Variants in ZGRF1 observed in about 807,000 individuals in gnomAD.
ZGRF1 encodes the protein 5'-3' DNA helicase ZGRF1.
In ZGRF1, 196 loss-of-function variants were observed where a neutral mutation model predicts 203.5. The ratio of observed to expected loss-of-function variants is 0.96; its 90% CI spans 0.86 to 1.08. The LOEUF (loss-of-function observed/expected upper bound fraction) is 1.08. Ranked by LOEUF, ZGRF1 falls within the 50% of genes least tolerant of loss-of-function variation. ZGRF1 has a pLI of 0.00. For synonymous variants in ZGRF1, 809 were observed against 841.3 expected, an observed-to-expected ratio of 0.96 and a Z score of 0.66; for missense variants, 2,326 against 2,416.3, an observed-to-expected ratio of 0.96 and a Z score of 0.78.
chr4:112,562,368 T>C lies in ZGRF1; in HGVS notation c.4697+3A>G. 1 of 1,540,338 alleles carries C rather than the reference T, an allele frequency of 6.5e-7. No homozygotes were observed. The highest frequency in any genetic ancestry group is 8.9e-7 in the Non-Finnish European group (1 of 1,118,782). On this transcript the variant is annotated splice_donor_region_variant and intron_variant, in intron 18 of 27. Coordinates refer to ENST00000505019, the MANE Select transcript of ZGRF1 (RefSeq NM_018392.5). ...AATGACTCAAAGGTAAAAAATGACT[T>C]ACGTTGTTAACAGGTACTGTGTTAG...
At chr4:112,621,970 C>A (rs1446717294) in intron 4 of ZGRF1, among the ~76,000 whole-genome samples, 1 of 151,108 alleles carries the variant, frequency 6.6e-6, no homozygotes. Flanking sequence ...TCAGGTGATC[C>A]GCCTGCCTCG....
chr4:112,583,911 A>T, intron 15 of ZGRF1, 67 bp downstream of exon 15: 1 of 1,006,996 alleles, frequency 9.9e-7, no homozygotes, highest in Non-Finnish European at 1.4e-6. Context: ...AAAACTGATG[A>T]TAGTTCTGTG....
chr4:112,615,669 C>T (rs1284506109), intron 6 of ZGRF1, among the ~76,000 whole-genome samples: 8 of 146,818 alleles, frequency 5.4e-5, no homozygotes, highest in Admixed American at 1.4e-4. Context: ...GTTTCATTCA[C>T]TCTTGTTGCC....
intron 6 of ZGRF1, among the ~76,000 whole-genome samples, chr4:112,614,964 T>C (rs2046818285): frequency 6.6e-6 from 1 of 152,136 alleles, no homozygotes; most frequent in East Asian, 1.9e-4. Flanking sequence ...TGGCTATGAG[T>C]GAGTTTAATG....
At chr4:112,567,696 CAG>C (rs1056099533) in intron 16 of ZGRF1, among the ~76,000 whole-genome samples, 30 of 152,264 alleles carry the variant, frequency 2.0e-4, no homozygotes, top group African/African-American at 7.2e-4. Context: ...GAGGCTGAGT[CAG>C]GGGGATAACT....
At chr4:112,622,607 C>A (rs1242266996) in intron 4 of ZGRF1, among the ~76,000 whole-genome samples, 2 of 151,842 alleles carry the variant, frequency 1.3e-5, no homozygotes, top group East Asian at 3.9e-4. Context: ...CAGACCGACC[C>A]TGTAAAATCT....
chr4:112,599,554 T>TAAAAAA (rs558887822), intron 10 of ZGRF1, among the ~76,000 whole-genome samples: 4 of 127,854 alleles, frequency 3.1e-5, no homozygotes, highest in South Asian at 2.5e-4. Context: ...ACCCTGTGTC[T>TAAAAAA]AAAAAAAAAA....
chr4:112,549,825 G>A (rs1739564033), intron 22 of ZGRF1, among the ~76,000 whole-genome samples: 1 of 151,996 alleles, frequency 6.6e-6, no homozygotes, highest in African/African-American at 2.4e-5. Context: ...ACGCCTTTCA[G>A]GAGGTATCCA....
chr4:112,564,962 G>T, intron 16 of ZGRF1: 2 of 820,882 alleles, frequency 2.4e-6, no homozygotes, highest in East Asian at 2.4e-5. Context: ...AAGGAGAAAT[G>T]AGGTAAGTAA....
intron 6 of ZGRF1, among the ~76,000 whole-genome samples, chr4:112,617,068 GAC>G (rs1385152785): frequency 2.0e-5 from 3 of 152,098 alleles, no homozygotes; most frequent in Admixed American, 2.0e-4. Context: ...CAGCCTGGGT[GAC>G]AGAGTGAGAC....
In ZGRF1 at chr4:112,541,001, T is replaced by A; in HGVS notation, c.5776-46A>T. ...TAAATTATATTTCCCAGAAAGGCTA[T>A]GGAAAAACCAAGTAAAATCATACAA... On this transcript the variant is annotated intron_variant, in intron 25 of 27. Coordinates refer to ENST00000505019, the MANE Select transcript of ZGRF1 (RefSeq NM_018392.5). 1.9e-6 allele frequency: 3 copies of A among 1,550,198 alleles called. No homozygotes were observed. In the South Asian group the frequency reaches 3.6e-5, roughly 18 times the overall value.
At chr4:112,563,874 G>A (rs548266521) in intron 16 of ZGRF1, among the ~76,000 whole-genome samples, 1 of 152,176 alleles carries the variant, frequency 6.6e-6, no homozygotes, top group African/African-American at 2.4e-5. Context: ...AAGGGGCCAA[G>A]GCACTCCCTT....
At chr4:112,611,065 A>G (rs949390442) in intron 7 of ZGRF1, 17 of 187,432 alleles carry the variant, frequency 9.1e-5, no homozygotes, top group Admixed American at 3.8e-4. Context: ...TTAAAAGGGG[A>G]AAAAAAGGAC....
At chr4:112,557,543 T>C (rs910541432) in intron 20 of ZGRF1, among the ~76,000 whole-genome samples, 9 of 152,164 alleles carry the variant, frequency 5.9e-5, no homozygotes, top group African/African-American at 1.9e-4. Context: ...CTTTTACTTA[T>C]GGCACAGGAA....
chr4:112,606,679 A>G (rs909900685), intron 8 of ZGRF1, among the ~76,000 whole-genome samples: 30 of 152,002 alleles, frequency 2.0e-4, no homozygotes, highest in Admixed American at 4.6e-4. Flanking sequence ...AAATAGAAAA[A>G]GAAAAAAATG....
At chr4:112,580,590 A>G (rs1049368987) in intron 16 of ZGRF1, among the ~76,000 whole-genome samples, 4 of 152,144 alleles carry the variant, frequency 2.6e-5, no homozygotes, top group African/African-American at 9.7e-5. Flanking sequence ...AGAAAAAAAC[A>G]AACAACCCCA....
At chr4:112,592,975 A>G (rs1748430267) in intron 10 of ZGRF1, among the ~76,000 whole-genome samples, 1 of 152,210 alleles carries the variant, frequency 6.6e-6, no homozygotes, top group South Asian at 2.1e-4. Context: ...AAATGCACAC[A>G]AGAAAAGGAC....
intron 20 of ZGRF1, among the ~76,000 whole-genome samples, chr4:112,557,451 A>G (rs150956540): frequency 1.3e-5 from 2 of 152,376 alleles, no homozygotes; most frequent in Non-Finnish European, 2.9e-5. Flanking sequence ...CTGGGATTAC[A>G]GGCATGAGCC....
chr4:112,558,634 C>T (rs980061263), intron 19 of ZGRF1, among the ~76,000 whole-genome samples: 1 of 152,236 alleles, frequency 6.6e-6, no homozygotes, highest in Non-Finnish European at 1.5e-5. Flanking sequence ...GCTGGAATTA[C>T]AGGCGTGAGC....
Sources: allele counts gnomAD v4.1 joint callset (sites outside exome capture counted in the v4.1 genomes callset), GRCh38; gene constraint gnomAD v4.1.1; transcripts MANE v1.5; gene names NCBI Gene and HGNC (gene_info 2026-07-23, HGNC 2026-07-21).